Variants in NPAS2 observed in about 807,000 individuals in gnomAD.
NPAS2 encodes neuronal PAS domain protein 2.
A neutral mutation model predicts 107.5 loss-of-function variants in NPAS2; 23 were observed. That is an observed-to-expected ratio of 0.21 (90% CI 0.15 to 0.30). NPAS2 has a LOEUF of 0.30. Ranked by LOEUF, NPAS2 falls within the 10% of genes least tolerant of loss-of-function variation. NPAS2 has a pLI of 1.00. For synonymous variants in NPAS2, 403 were observed against 417.5 expected, an observed-to-expected ratio of 0.97 and a Z score of 0.42; for missense variants, 756 against 1,043.3, an observed-to-expected ratio of 0.72 and a Z score of 3.79.
intron 2 of NPAS2, among the ~76,000 whole-genome samples, chr2:100,910,266 G>A (rs1260105871): frequency 6.6e-6 from 1 of 152,160 alleles, no homozygotes; most frequent in African/African-American, 2.4e-5. Context: ...AATGGTGCCT[G>A]TGTTACTGTT....
chr2:100,943,815 G>A (rs1394191910), intron 5 of NPAS2, among the ~76,000 whole-genome samples: 1 of 152,232 alleles, frequency 6.6e-6, no homozygotes, highest in Non-Finnish European at 1.5e-5. Flanking sequence ...TGTGGGGAGG[G>A]AACCTGCAGT....
intron 1 of NPAS2, among the ~76,000 whole-genome samples, chr2:100,824,223 C>T (rs1002703796): frequency 6.6e-6 from 1 of 152,146 alleles, no homozygotes; most frequent in Non-Finnish European, 1.5e-5. Flanking sequence ...CCAAGGCCGG[C>T]CGTGGAGAAC....
In NPAS2 at chr2:100,990,943, G is replaced by A. The variant is rs116021229; in HGVS notation, c.2111+71G>A. On this transcript the variant is annotated intron_variant, in intron 19 of 20. Coordinates refer to ENST00000335681, the MANE Select transcript of NPAS2 (RefSeq NM_002518.4). The stretch of plus-strand genomic sequence containing the variant: ...GGTTCCAGGCTGGCCAGACTCACCC[G>A]CCTGGGCCAGCAGCACTCACATGAG... 2.7e-3 allele frequency: 3,448 copies of A among 1,283,482 alleles called. 71 individuals carry two copies. In the African/African-American group the frequency reaches 0.041, roughly 15 times the overall value. The allele number at this position is 1,283,482 out of a possible 1,614,324, so 79.5% of individuals were successfully genotyped here. A position where few individuals can be genotyped will look rare whatever the true frequency, so the allele number is the denominator to read the frequency against.
At chr2:100,977,155 C>G (rs1359009579) in intron 14 of NPAS2, 1 of 153,986 alleles carries the variant, frequency 6.5e-6, no homozygotes, top group Non-Finnish European at 1.4e-5. Flanking sequence ...AGATGTGACT[C>G]AGCTCACTTC....
intron 1 of NPAS2, among the ~76,000 whole-genome samples, chr2:100,859,274 C>G (rs1678785989): frequency 6.6e-6 from 1 of 152,058 alleles, no homozygotes; most frequent in Admixed American, 6.6e-5. Flanking sequence ...AAAAAAATAG[C>G]ATGCATTTGT....
In NPAS2 at chr2:100,996,020, G is replaced by A. The variant is rs1400330025; in HGVS notation, c.*438G>A. 1 of 1,138,292 alleles carries A rather than the reference G, an allele frequency of 8.8e-7. No homozygotes were observed. The highest frequency in any genetic ancestry group is 1.1e-6 in the Non-Finnish European group (1 of 888,410). 70.5% of individuals were successfully genotyped at this position (1,138,292 alleles called of 1,614,324 possible). A position where few individuals can be genotyped will look rare whatever the true frequency, so the allele number is the denominator to read the frequency against. On this transcript the variant is annotated 3_prime_UTR_variant, in exon 21 of 21. Coordinates refer to ENST00000335681, the MANE Select transcript of NPAS2 (RefSeq NM_002518.4). ...GACTGGGTCAGAGATCTGTTGGAGAGAGAGAATAAAGAGATTATTTTTCAT... is the reference window on the plus strand; with the variant it reads ...GACTGGGTCAGAGATCTGTTGGAGAAAGAGAATAAAGAGATTATTTTTCAT...
intron 5 of NPAS2, 24 bp downstream of exon 5, chr2:100,937,866 T>C: frequency 6.6e-7 from 1 of 1,522,170 alleles, no homozygotes. Flanking sequence ...CCAATGGCCT[T>C]TACCGGTTCA....
intron 1 of NPAS2, among the ~76,000 whole-genome samples, chr2:100,876,689 G>T (rs1178106846): frequency 6.6e-6 from 1 of 152,230 alleles, no homozygotes; most frequent in African/African-American, 2.4e-5. Flanking sequence ...TGTTGCTGTT[G>T]GTGGCAGGAG....
chr2:100,946,425 C>A (rs1164201568), intron 5 of NPAS2, among the ~76,000 whole-genome samples: 6 of 152,146 alleles, frequency 3.9e-5, no homozygotes, highest in African/African-American at 1.4e-4. Context: ...TTGCACAGGG[C>A]TTCGTTAAAC....
In NPAS2 at chr2:100,883,106, G is replaced by A. The variant is rs114108304; in HGVS notation, c.-22-21627G>A. Among the ~76,000 whole-genome samples, 1,070 of 152,304 alleles carry A rather than the reference G, an allele frequency of 7.0e-3. 6 individuals are homozygous for A. The highest frequency in any genetic ancestry group is 0.025 in the African/African-American group (1,024 of 41,562). ...TGATGGATTGGAACCTACACAGCTA[G>A]AGGAAGAATTTGCATCCAGAAACCA... is the stretch of plus-strand genomic sequence containing the variant. On this transcript the variant is annotated intron_variant, in intron 1 of 20. Transcript: ENST00000335681.
At chr2:100,873,301 TATATATACACAC>T (rs1336678491) in intron 1 of NPAS2, among the ~76,000 whole-genome samples, 14,438 of 64,084 alleles carry the variant, frequency 0.23, 1,385 homozygotes, top group Non-Finnish European at 0.3. Flanking sequence ...TATATATATA[TATATATACACAC>T]ACACACACAC....
intron 10 of NPAS2, among the ~76,000 whole-genome samples, chr2:100,967,366 A>AT (rs1676284406): frequency 7.2e-6 from 1 of 139,760 alleles, no homozygotes; most frequent in Admixed American, 7.7e-5. Context: ...AGCTGGGACA[A>AT]CAGACGCCCG....
intron 1 of NPAS2, among the ~76,000 whole-genome samples, chr2:100,884,880 T>A (rs1451791051): frequency 2.0e-5 from 3 of 151,958 alleles, no homozygotes; most frequent in Admixed American, 1.3e-4. Flanking sequence ...TAAAATATAT[T>A]TTTTTAATAT....
intron 5 of NPAS2, among the ~76,000 whole-genome samples, chr2:100,942,469 C>T (rs1259647918): frequency 1.3e-5 from 2 of 150,970 alleles, no homozygotes; most frequent in African/African-American, 4.9e-5. Context: ...CTGACAGGTG[C>T]AGCTGCAGCT....
intron 1 of NPAS2, among the ~76,000 whole-genome samples, chr2:100,824,873 A>G (rs1028479327): frequency 3.3e-5 from 5 of 152,180 alleles, no homozygotes; most frequent in African/African-American, 1.2e-4. Flanking sequence ...GAGAATGGCA[A>G]TGGCAGTTTG....
intron 13 of NPAS2, 72 bp from the exon 14 acceptor site, chr2:100,975,386 A>C: frequency 7.5e-7 from 1 of 1,333,890 alleles, no homozygotes; most frequent in South Asian, 1.3e-5. Flanking sequence ...CACCACGGTC[A>C]TGGGTCCCCT....
At chr2:100,900,457 A>T (rs376878863) in intron 1 of NPAS2, among the ~76,000 whole-genome samples, 89 of 152,340 alleles carry the variant, frequency 5.8e-4, no homozygotes, top group African/African-American at 1.9e-3. Flanking sequence ...CTCCTTGTAC[A>T]CTACTGGTGC....
Position 100,842,081 on chromosome 2 carries a change from G to GCGCGCGCGCGCACACACACACA in NPAS2, c.-23+21668_-23+21669insGCGCGCGCGCACACACACACAC. Among the ~76,000 whole-genome samples, 1,018 of 148,892 alleles carry GCGCGCGCGCGCACACACACACA rather than the reference G, an allele frequency of 6.8e-3. 7 individuals are homozygous for GCGCGCGCGCGCACACACACACA. The highest frequency in any genetic ancestry group is 0.023 in the East Asian group (118 of 5,064). ...TTCATGCATGAGTGTGCATGTACGC[G>GCGCGCGCGCGCACACACACACA]CACACACACACACACACACACACAC... On this transcript the variant is annotated intron_variant, in intron 1 of 20. Coordinates refer to ENST00000335681, the MANE Select transcript of NPAS2 (RefSeq NM_002518.4).
chr2:100,824,952 G>A (rs768176447), intron 1 of NPAS2, among the ~76,000 whole-genome samples: 30 of 152,168 alleles, frequency 2.0e-4, no homozygotes, highest in African/African-American at 7.2e-4. Flanking sequence ...GGGTGGAGAC[G>A]AGAGAGGGAA....
Sources: allele counts gnomAD v4.1 joint callset (sites outside exome capture counted in the v4.1 genomes callset), GRCh38; gene constraint gnomAD v4.1.1; transcripts MANE v1.5; gene names NCBI Gene and HGNC (gene_info 2026-07-23, HGNC 2026-07-21).